The following DGCR2 variants were observed in gnomAD, a reference collection of about 807,000 sequenced individuals.
DGCR2 encodes the protein DiGeorge syndrome critical region gene 2, also known as integral membrane protein DGCR2/IDD.
In DGCR2, 24 loss-of-function variants were observed where a neutral mutation model predicts 51.6. The observed-to-expected ratio is 0.47, with a 90% CI of 0.34 to 0.65. The LOEUF is 0.65. Among genes scored for constraint, DGCR2 ranks in the 30% least tolerant of loss-of-function variants. The probability of loss-of-function intolerance (pLI) is 0.01; values close to 1 mark genes in which losing one functional copy is unlikely to be tolerated. For missense variants in DGCR2, 765 were observed against 772.1 expected (o/e 0.99, Z 0.11); for synonymous variants, 340 against 315.4 (o/e 1.08, Z -0.82).
chr22:19,059,262 C>T (rs2082635093), intron 5 of DGCR2, among the ~76,000 whole-genome samples: 1 of 152,038 alleles, frequency 6.6e-6, no homozygotes, highest in South Asian at 2.1e-4. Context: ...GCCAGGAGAC[C>T]AGACAGAGGC....
At chr22:19,045,934 G>A (rs112913662) in intron 7 of DGCR2, among the ~76,000 whole-genome samples, 5,565 of 152,148 alleles carry the variant, frequency 0.037, 303 homozygotes, top group African/African-American at 0.13. Context: ...CACCATGTTG[G>A]CCATACTGGT....
intron 4 of DGCR2, among the ~76,000 whole-genome samples, chr22:19,063,923 A>G (rs1191619007): frequency 1.3e-5 from 2 of 152,202 alleles, no homozygotes; most frequent in African/African-American, 4.8e-5. Context: ...GCATCTCAAT[A>G]AAGACATAAG....
intron 1 of DGCR2, among the ~76,000 whole-genome samples, chr22:19,121,301 T>C (rs1363125213): frequency 6.6e-6 from 1 of 152,154 alleles, no homozygotes; most frequent in Non-Finnish European, 1.5e-5. Flanking sequence ...TTCTGCTGAC[T>C]TTAAAAAAAA....
intron 1 of DGCR2, among the ~76,000 whole-genome samples, chr22:19,118,343 C>T (rs1324717667): frequency 6.9e-6 from 1 of 144,616 alleles, no homozygotes; most frequent in African/African-American, 2.6e-5. Flanking sequence ...TGCACTCCAG[C>T]CTGGGTGACA....
At chr22:19,053,059 G>C (rs2082566325) in intron 6 of DGCR2, among the ~76,000 whole-genome samples, 1 of 152,194 alleles carries the variant, frequency 6.6e-6, no homozygotes. Flanking sequence ...ACCCACCAGG[G>C]AAAGTCAAAT....
intron 2 of DGCR2, among the ~76,000 whole-genome samples, chr22:19,075,710 T>C (rs894404243): frequency 1.3e-5 from 2 of 152,226 alleles, no homozygotes; most frequent in African/African-American, 4.8e-5. Flanking sequence ...CAGGCTTATT[T>C]CACTGAGCAT....
chr22:19,101,439 C>T (rs573946591), intron 1 of DGCR2, among the ~76,000 whole-genome samples: 7 of 147,266 alleles, frequency 4.8e-5, no homozygotes, highest in African/African-American at 1.5e-4. Context: ...TGTATTGTGT[C>T]GCTTCAAAAG....
intron 2 of DGCR2, among the ~76,000 whole-genome samples, chr22:19,084,041 A>G (rs28571679): frequency 1 from 152,160 of 152,162 alleles, 76,079 homozygotes; most frequent in Middle Eastern, 1. Context: ...GCCCAGGCCG[A>G]AGTGCAGTGG....
chr22:19,054,817 T>A (rs1477324787), intron 6 of DGCR2, among the ~76,000 whole-genome samples: 6 of 151,414 alleles, frequency 4.0e-5, no homozygotes, highest in African/African-American at 1.5e-4. Context: ...TTAAAAGAGT[T>A]TCAGGCCAGG....
At chr22:19,086,558 A>C (rs959116300) in intron 2 of DGCR2, among the ~76,000 whole-genome samples, 1 of 152,174 alleles carries the variant, frequency 6.6e-6, no homozygotes, top group Non-Finnish European at 1.5e-5. Context: ...TAGGACCGTG[A>C]GTCAAGGAGA....
chr22:19,044,728 C>T (rs1292354697), intron 7 of DGCR2, among the ~76,000 whole-genome samples: 4 of 152,252 alleles, frequency 2.6e-5, no homozygotes, highest in Admixed American at 2.6e-4. Context: ...TCCCTAATGG[C>T]CAATACTGAG....
chr22:19,078,320 C>T (rs987147947), intron 2 of DGCR2, among the ~76,000 whole-genome samples: 1 of 152,102 alleles, frequency 6.6e-6, no homozygotes, highest in African/African-American at 2.4e-5. Context: ...ATTCTTTGTA[C>T]TATTACTGTA....
intron 6 of DGCR2, among the ~76,000 whole-genome samples, chr22:19,055,497 T>C (rs1241665969): frequency 6.6e-6 from 1 of 152,120 alleles, no homozygotes; most frequent in Non-Finnish European, 1.5e-5. Flanking sequence ...CTGGAGACTG[T>C]AGCAAGAAGA....
At chr22:19,097,035 T>A (rs897152292) in intron 1 of DGCR2, among the ~76,000 whole-genome samples, 2 of 152,124 alleles carry the variant, frequency 1.3e-5, no homozygotes, top group Non-Finnish European at 1.5e-5. Context: ...TTGGAAATAG[T>A]TGAGTAAGAA....
chr22:19,090,605 C>T (rs1192364092), intron 1 of DGCR2, among the ~76,000 whole-genome samples: 1 of 152,146 alleles, frequency 6.6e-6, no homozygotes, highest in African/African-American at 2.4e-5. Context: ...ATAACATACA[C>T]AGAAGTAAAA....
chr22:19,063,925 A>T (rs992499205), intron 4 of DGCR2, among the ~76,000 whole-genome samples: 1 of 152,198 alleles, frequency 6.6e-6, no homozygotes, highest in Non-Finnish European at 1.5e-5. Flanking sequence ...ATCTCAATAA[A>T]GACATAAGTC....
chr22:19,090,295 T>C (rs1601269179), intron 1 of DGCR2, among the ~76,000 whole-genome samples: 1 of 152,158 alleles, frequency 6.6e-6, no homozygotes, highest in Non-Finnish European at 1.5e-5. Flanking sequence ...TTTCCCAATT[T>C]GATGAAAACT....
intron 1 of DGCR2, among the ~76,000 whole-genome samples, chr22:19,090,787 G>C (rs530304899): frequency 7.1e-6 from 1 of 141,820 alleles, no homozygotes; most frequent in Non-Finnish European, 1.5e-5. Context: ...ACATAGAAGA[G>C]AATAAAAAAT....
intron 9 of DGCR2, among the ~76,000 whole-genome samples, chr22:19,039,395 C>T (rs768714776): frequency 1.3e-5 from 2 of 152,220 alleles, no homozygotes; most frequent in Non-Finnish European, 2.9e-5. Flanking sequence ...GGGCCTGTCC[C>T]ACCATCGGTG....
Sources: allele counts gnomAD v4.1 joint callset (sites outside exome capture counted in the v4.1 genomes callset), GRCh38; gene constraint gnomAD v4.1.1; transcripts MANE v1.5; gene names NCBI Gene and HGNC (gene_info 2026-07-23, HGNC 2026-07-21).